The following OTULINL variants were observed in gnomAD, a reference collection of about 807,000 sequenced individuals.
OTULINL encodes the protein inactive ubiquitin thioesterase OTULINL.
A neutral mutation model predicts 43.9 loss-of-function variants in OTULINL; 42 were observed. That is an observed-to-expected ratio of 0.96 (90% confidence interval 0.75 to 1.24). OTULINL has a LOEUF of 1.24. Ranked by LOEUF, OTULINL falls within the 50% of genes most tolerant of loss-of-function variation. The probability of loss-of-function intolerance (pLI) is 0.00; values close to 1 mark genes in which losing one functional copy is unlikely to be tolerated. For synonymous variants in OTULINL, 172 were observed against 153.6 expected (o/e 1.12, Z -0.88); for missense variants, 411 against 426.4 (o/e 0.96, Z 0.32).
intron 7 of OTULINL, 137 bp from the exon 8 acceptor site, chr5:14,610,004 C>T: frequency 1.6e-6 from 1 of 642,554 alleles, no homozygotes; most frequent in Non-Finnish European, 2.7e-6. Flanking sequence ...AACTCTGTGC[C>T]CACTCAGTGG....
chr5:14,584,770 A>T (rs1008735364), intron 1 of OTULINL, among the ~76,000 whole-genome samples: 1 of 152,248 alleles, frequency 6.6e-6, no homozygotes, highest in African/African-American at 2.4e-5. Flanking sequence ...TGTCTGCTAA[A>T]TGAAAGATAT....
chr5:14,588,100 G>A (rs1240856685), intron 1 of OTULINL, among the ~76,000 whole-genome samples: 1 of 152,162 alleles, frequency 6.6e-6, no homozygotes, highest in East Asian at 1.9e-4. Context: ...AAGATCTTAT[G>A]TATCTTCCAT....
Position 14,614,813 on chromosome 5 carries a change from C to A in OTULINL, c.*4499C>A. Reference sequence around the variant, plus strand: ...CTAAAGTTATAATCCTAGCTGGTGTCTCGTTCTGTTTAAAAAAATCAAATT... The same window carrying A: ...CTAAAGTTATAATCCTAGCTGGTGTATCGTTCTGTTTAAAAAAATCAAATT... On this transcript the variant is annotated 3_prime_UTR_variant, in exon 8 of 8. Coordinates refer to ENST00000274217, the MANE Select transcript of OTULINL (RefSeq NM_019018.3). 1 of 398,424 alleles carries A rather than the reference C, an allele frequency of 2.5e-6. No homozygotes were observed. Among genetic ancestry groups the A allele is most frequent in the South Asian group, 1.3e-4 (1 of 7,752 alleles). The allele number at this position is 398,424 out of a possible 1,614,324, so 24.7% of individuals were successfully genotyped here.
At position 14,615,301 on chromosome 5, in the gene OTULINL, A is replaced by G. The variant is rs1759654956; in HGVS notation, c.*4987A>G. 6.6e-6 allele frequency among the ~76,000 whole-genome samples: 1 copy of G among 152,198 alleles called. No individual in the cohort carries two copies. Among genetic ancestry groups the G allele is most frequent in the African/African-American group, 2.4e-5 (1 of 41,440 alleles). ...CCCCAAAGACAGACTCTGGGAAACA[A>G]CTTGGGAACTGCTTCAAGTCCATGC... On this transcript the variant is annotated 3_prime_UTR_variant, in exon 8 of 8. Transcript: ENST00000274217.
At chr5:14,594,607 GGAA>G (rs1340797003) in intron 1 of OTULINL, among the ~76,000 whole-genome samples, 1 of 152,172 alleles carries the variant, frequency 6.6e-6, no homozygotes, top group African/African-American at 2.4e-5. Flanking sequence ...AGCCCAGGGG[GGAA>G]GAAGTGTGAG....
intron 1 of OTULINL, among the ~76,000 whole-genome samples, chr5:14,594,542 G>T (rs1368618231): frequency 6.6e-6 from 1 of 152,158 alleles, no homozygotes; most frequent in Non-Finnish European, 1.5e-5. Flanking sequence ...AGGCCAGGGG[G>T]TCCCTGTGGG....
At chr5:14,596,256 C>CT (rs1362148389) in intron 1 of OTULINL, among the ~76,000 whole-genome samples, 2 of 152,194 alleles carry the variant, frequency 1.3e-5, no homozygotes, top group Admixed American at 1.3e-4. Context: ...TCCTGTTTCT[C>CT]TGAGTCCCAA....
rs549203153 is a variant in OTULINL, at chr5:14,585,799, A to G, written c.64+3841A>G. On this transcript the variant is annotated intron_variant, in intron 1 of 7. Coordinates refer to ENST00000274217, the MANE Select transcript of OTULINL (RefSeq NM_019018.3). ...AGGGTAAGCCCTGGCATGGGACTCC[A>G]CTCATAACAGATTCTTAACAATCTG... Among the ~76,000 whole-genome samples, 3 of 152,350 alleles carry G rather than the reference A, an allele frequency of 2.0e-5. No homozygotes were observed. In the South Asian group the frequency reaches 6.2e-4, roughly 32 times the overall value.
chr5:14,593,074 A>G (rs958951459), intron 1 of OTULINL, among the ~76,000 whole-genome samples: 2 of 152,304 alleles, frequency 1.3e-5, no homozygotes, highest in African/African-American at 4.8e-5. Flanking sequence ...AGTCCCTGCC[A>G]GGAGAATCCA....
At chr5:14,608,195 A>G (rs537726365) in intron 6 of OTULINL, among the ~76,000 whole-genome samples, 1 of 152,334 alleles carries the variant, frequency 6.6e-6, no homozygotes, top group South Asian at 2.1e-4. Flanking sequence ...ATCTAAACTA[A>G]TTTCTTATTG....
intron 1 of OTULINL, among the ~76,000 whole-genome samples, chr5:14,591,840 C>G (rs1759209379): frequency 6.6e-6 from 1 of 152,144 alleles, no homozygotes; most frequent in Admixed American, 6.5e-5. Context: ...ATCTGGCCTG[C>G]TGTTTGTTTT....
In OTULINL at chr5:14,611,356, G is replaced by A. The variant is rs577789680; in HGVS notation, c.*1042G>A. On this transcript the variant is annotated 3_prime_UTR_variant, in exon 8 of 8. Coordinates refer to ENST00000274217, the MANE Select transcript of OTULINL (RefSeq NM_019018.3). ...AATTGGAAGAGTGTCAGAGTCAGAG[G>A]GGAATGTGAAATATGGAAGAACGGT... 3.3e-5 allele frequency: 5 copies of A among 152,308 alleles called. No homozygotes were observed. In the East Asian group the frequency reaches 5.8e-4, roughly 18 times the overall value. 9.4% of individuals were successfully genotyped at this position (152,308 alleles called of 1,614,324 possible).
chr5:14,584,303 C>A (rs753322313), intron 1 of OTULINL, among the ~76,000 whole-genome samples: 1 of 152,176 alleles, frequency 6.6e-6, no homozygotes, highest in Non-Finnish European at 1.5e-5. Flanking sequence ...ATTCACATTT[C>A]AGCCATGATT....
chr5:14,581,967 G>GGGGCC lies in OTULINL; in HGVS notation c.64+14_64+18dup. On this transcript the variant is annotated intron_variant, in intron 1 of 7. Coordinates refer to ENST00000274217, the MANE Select transcript of OTULINL (RefSeq NM_019018.3). ...TGGCGCTCCCGCCGCAGGTGAGCCT[G>GGGGCC]GGGCCGGGCGGGGCGGGGCGGGGGG... is the stretch of plus-strand genomic sequence containing the variant. 2 of 1,296,104 alleles carry GGGGCC rather than the reference G, an allele frequency of 1.5e-6. No individual in the cohort carries two copies. The highest frequency in any genetic ancestry group is 1.9e-6 in the Non-Finnish European group (2 of 1,026,002). 80.3% of individuals were successfully genotyped at this position (1,296,104 alleles called of 1,614,324 possible).
rs771577828 is a variant in OTULINL, at chr5:14,608,907, G to T, written c.787G>T (p.Val263Phe). The T allele has an allele frequency of 6.2e-7, 1 of 1,614,046 alleles. No homozygotes were observed. Among genetic ancestry groups the T allele is most frequent in the Non-Finnish European group, 8.5e-7 (1 of 1,179,946 alleles). The change falls in exon 7 of 8, where the codon GTC (valine) becomes TTC (phenylalanine). Residue 263 changes from valine to phenylalanine, a missense_variant. Transcript: ENST00000274217. ...TTATGAACAAATGAAGACTAAAAAG[G>T]TCATTCCCAGTCTTTTTAGACTCCT... is the stretch of plus-strand genomic sequence containing the variant. The part of the protein sequence containing the change: ...EVYEQMKTKK[V>F]IPSLFRLLFS...
At position 14,613,500 on chromosome 5, in the gene OTULINL, G is replaced by C. The variant is rs1481680812; in HGVS notation, c.*3186G>C. Among the ~76,000 whole-genome samples the C allele has an allele frequency of 6.6e-6, 1 of 152,108 alleles. No homozygotes were observed. The highest frequency in any genetic ancestry group is 1.5e-5 in the Non-Finnish European group (1 of 68,020). ...GGTACAACCTAGGAGGGAGTCAGGA[G>C]GAGAGAGTTAGGTTAGTTAGTACAA... On this transcript the variant is annotated 3_prime_UTR_variant, in exon 8 of 8. Coordinates refer to ENST00000274217, the MANE Select transcript of OTULINL (RefSeq NM_019018.3).
chr5:14,587,274 T>C (rs1759115852), intron 1 of OTULINL, among the ~76,000 whole-genome samples: 1 of 152,162 alleles, frequency 6.6e-6, no homozygotes, highest in South Asian at 2.1e-4. Flanking sequence ...AAAGACTGGG[T>C]GCTGTGTGTC....
At chr5:14,585,275 G>A (rs1316208551) in intron 1 of OTULINL, among the ~76,000 whole-genome samples, 2 of 151,724 alleles carry the variant, frequency 1.3e-5, no homozygotes, top group Non-Finnish European at 2.9e-5. Context: ...GGGCTGTGGG[G>A]GAAAAAAAGC....
At chr5:14,599,831 T>C (rs1759351666) in intron 1 of OTULINL, among the ~76,000 whole-genome samples, 1 of 152,246 alleles carries the variant, frequency 6.6e-6, no homozygotes, top group Non-Finnish European at 1.5e-5. Flanking sequence ...GTTAGTTTTC[T>C]CTTTTGTCAA....
Sources: allele counts gnomAD v4.1 joint callset (sites outside exome capture counted in the v4.1 genomes callset), GRCh38; gene constraint gnomAD v4.1.1; transcripts MANE v1.5; gene names NCBI Gene and HGNC (gene_info 2026-07-23, HGNC 2026-07-21).